UVRAG: variants seen among roughly 807,000 people sequenced by gnomAD.
UVRAG encodes UV radiation resistance-associated gene protein.
A neutral mutation model predicts 78.0 loss-of-function variants in UVRAG; 19 were observed. That is an observed-to-expected ratio of 0.24 (90% CI 0.17 to 0.36). UVRAG has a LOEUF of 0.36. UVRAG is among the 10% of genes least tolerant of loss of function. The pLI is 1.00. For missense variants in UVRAG, 740 were observed against 853.8 expected, an observed-to-expected ratio of 0.87 and a Z score of 1.66; for synonymous variants, 323 against 324.6, an observed-to-expected ratio of 1.00 and a Z score of 0.05.
At chr11:76,098,144 C>T (rs1260109823) in intron 13 of UVRAG, among the ~76,000 whole-genome samples, 1 of 151,732 alleles carries the variant, frequency 6.6e-6, no homozygotes, top group African/African-American at 2.4e-5. Flanking sequence ...ATAGTCTTAA[C>T]TGAAAGAAGT....
At chr11:76,027,556 T>A (rs1345672606) in intron 12 of UVRAG, among the ~76,000 whole-genome samples, 1 of 152,082 alleles carries the variant, frequency 6.6e-6, no homozygotes, top group Non-Finnish European at 1.5e-5. Context: ...ACTGTGGCAA[T>A]GTTCTCCTCT....
At chr11:75,928,809 G>A (rs1948167924) in intron 6 of UVRAG, among the ~76,000 whole-genome samples, 1 of 151,774 alleles carries the variant, frequency 6.6e-6, no homozygotes, top group Non-Finnish European at 1.5e-5. Flanking sequence ...GGGCATGGTG[G>A]TGGGCGCCCG....
At chr11:76,100,525 A>G (rs1951861009) in intron 13 of UVRAG, among the ~76,000 whole-genome samples, 1 of 152,142 alleles carries the variant, frequency 6.6e-6, no homozygotes, top group African/African-American at 2.4e-5. Context: ...ATCTTCAGGT[A>G]AAAGGTAGAT....
At position 75,893,670 on chromosome 11, in the gene UVRAG, CAAAAAAAAAAA is replaced by C. The variant is rs1048785134; in HGVS notation, c.507+4784_507+4794del. Among the ~76,000 whole-genome samples the C allele has an allele frequency of 3.6e-4, 22 of 60,394 alleles. No individual in the cohort carries two copies. In the East Asian group the frequency reaches 5.5e-3, roughly 15 times the overall value. 39.6% of individuals were successfully genotyped at this position (60,394 alleles called of 152,430 possible). ...TAACATAATGAAATACTATCTCTACCAAAAAAAAAAAAAAAAAAAAAAAAAAATTAGCCAGG... is the reference window on the plus strand; with the variant it reads ...TAACATAATGAAATACTATCTCTACCAAAAAAAAAAAAAAAATTAGCCAGG... On this transcript the variant is annotated intron_variant, in intron 5 of 14. Transcript: ENST00000356136.
intron 1 of UVRAG, among the ~76,000 whole-genome samples, chr11:75,837,326 CAA>C (rs753820781): frequency 0.19 from 12,351 of 63,644 alleles, 382 homozygotes; most frequent in East Asian, 0.31. Flanking sequence ...GACTCTGTCT[CAA>C]AAAAAAAAAA....
At chr11:75,842,491 G>C (rs1945938252) in intron 1 of UVRAG, among the ~76,000 whole-genome samples, 1 of 148,540 alleles carries the variant, frequency 6.7e-6, no homozygotes, top group Non-Finnish European at 1.5e-5. Flanking sequence ...ACCCAGGCTG[G>C]AGTGCAATGG....
intron 13 of UVRAG, among the ~76,000 whole-genome samples, chr11:76,089,912 G>A (rs900833104): frequency 1.3e-5 from 2 of 152,046 alleles, no homozygotes; most frequent in Admixed American, 6.6e-5. Flanking sequence ...AACATACCCC[G>A]TTTTGGCCAG....
chr11:75,890,550 C>T (rs1463691667), intron 5 of UVRAG, among the ~76,000 whole-genome samples: 1 of 152,116 alleles, frequency 6.6e-6, no homozygotes, highest in Non-Finnish European at 1.5e-5. Flanking sequence ...TGGAGGAAAA[C>T]CAGGTTTGGT....
chr11:76,006,309 C>G (rs765341842), intron 9 of UVRAG, among the ~76,000 whole-genome samples: 9 of 152,050 alleles, frequency 5.9e-5, no homozygotes, highest in Non-Finnish European at 8.8e-5. Context: ...CACAGTTGAT[C>G]AGGCAACTTA....
chr11:75,883,959 A>C (rs911155806), intron 4 of UVRAG, among the ~76,000 whole-genome samples: 18 of 152,178 alleles, frequency 1.2e-4, no homozygotes, highest in African/African-American at 3.6e-4. Context: ...AATCTCCAGG[A>C]ATGGAATTGA....
chr11:75,998,838 G>A (rs1199530235), intron 8 of UVRAG, among the ~76,000 whole-genome samples: 1 of 152,244 alleles, frequency 6.6e-6, no homozygotes, highest in African/African-American at 2.4e-5. Context: ...TCACAAGAAA[G>A]ATTGAGGACA....
intron 12 of UVRAG, among the ~76,000 whole-genome samples, chr11:76,037,852 G>A (rs1340102973): frequency 4.6e-5 from 7 of 152,108 alleles, no homozygotes; most frequent in Admixed American, 6.5e-5. Flanking sequence ...GTACATGTCC[G>A]TATAAATGTC....
In UVRAG at chr11:76,017,867, G is replaced by T. The variant is rs139163131; in HGVS notation, c.1226+887G>T. Among the ~76,000 whole-genome samples the T allele has an allele frequency of 3.1e-3, 471 of 152,146 alleles. 1 individual carries two copies. Among genetic ancestry groups the T allele is most frequent in the Non-Finnish European group, 4.9e-3 (334 of 67,990 alleles). Reference sequence around the variant, plus strand: ...TGAGAAAATATATCGCAGCAGACCTGCAGTAAAGGAAATACTAAAGGAAGA... The same window carrying T: ...TGAGAAAATATATCGCAGCAGACCTTCAGTAAAGGAAATACTAAAGGAAGA... On this transcript the variant is annotated intron_variant, in intron 12 of 14. Coordinates refer to ENST00000356136, the MANE Select transcript of UVRAG (RefSeq NM_003369.4).
intron 6 of UVRAG, among the ~76,000 whole-genome samples, chr11:75,951,209 G>A (rs2135166825): frequency 6.6e-6 from 1 of 151,854 alleles, no homozygotes; most frequent in South Asian, 2.1e-4. Flanking sequence ...TACAGGTTAA[G>A]GTTCATTTAT....
At chr11:75,965,469 G>A (rs986177439) in intron 7 of UVRAG, among the ~76,000 whole-genome samples, 23 of 152,020 alleles carry the variant, frequency 1.5e-4, no homozygotes, top group Admixed American at 5.9e-4. Flanking sequence ...CCACCACCAC[G>A]CCCAGTTAAT....
chr11:75,951,349 GTGTGTGTGTGTA>G (rs975074933), intron 6 of UVRAG, among the ~76,000 whole-genome samples: 7 of 148,774 alleles, frequency 4.7e-5, no homozygotes, highest in South Asian at 4.2e-4. Context: ...GTGTGTGTGT[GTGTGTGTGTGTA>G]TATATTTTTT....
rs1157697250 is a variant in UVRAG at position 76,004,889 on chromosome 11, A to G, written c.911+800A>G. On this transcript the variant is annotated intron_variant, in intron 9 of 14. Transcript: ENST00000356136. ...GTAGTTAATTTTAGTCGCTCTCCCA[A>G]CATTCGTTTAACAAATGCCAATAGT... Among the ~76,000 whole-genome samples, 6 of 152,264 alleles carry G rather than the reference A, an allele frequency of 3.9e-5. No individual in the cohort carries two copies. In the South Asian group the frequency reaches 1.2e-3, roughly 32 times the overall value.
chr11:76,016,154 G>A (rs895198994), intron 11 of UVRAG, among the ~76,000 whole-genome samples: 1 of 152,100 alleles, frequency 6.6e-6, no homozygotes, highest in Non-Finnish European at 1.5e-5. Flanking sequence ...TAAGATACCT[G>A]CATTTTTTCC....
At chr11:75,870,544 G>A (rs1160433748) in intron 3 of UVRAG, among the ~76,000 whole-genome samples, 1 of 152,080 alleles carries the variant, frequency 6.6e-6, no homozygotes, top group Admixed American at 6.5e-5. Flanking sequence ...AGGAAATTAT[G>A]CTACTTCATA....
Sources: gnomAD v4.1 joint callset for allele counts (sites outside exome capture counted in the v4.1 genomes callset) on GRCh38, gnomAD v4.1.1 for gene constraint, MANE v1.5 for transcripts, NCBI Gene and HGNC (gene_info 2026-07-23, HGNC 2026-07-21) for gene names.